The following GSTO1 variants were observed in gnomAD, a reference collection of about 807,000 sequenced individuals.
GSTO1 encodes glutathione S-transferase omega 1, also known as glutathione S-transferase omega-1.
GSTO1 carries 27 observed loss-of-function variants against 23.8 expected under a neutral mutation model. The observed-to-expected ratio is 1.13, with a 90% confidence interval of 0.83 to 1.56. The LOEUF (loss-of-function observed/expected upper bound fraction) is 1.56, where lower values mean the gene tolerates loss of function less well. GSTO1 is among the 40% of genes most tolerant of loss of function. GSTO1 has a pLI of 0.00. For missense variants in GSTO1, 255 were observed against 285.8 expected (o/e 0.89, Z 0.78); for synonymous variants, 105 against 109.3 (o/e 0.96, Z 0.25).
In GSTO1 at chr10:104,254,954, T is replaced by TG; in HGVS notation, c.30dup (p.Lys11GlufsTer26). The TG allele has an allele frequency of 6.2e-7, 1 of 1,609,788 alleles. No homozygotes were observed. Among genetic ancestry groups the TG allele is most frequent in the Non-Finnish European group, 8.5e-7 (1 of 1,178,706 alleles). Reference sequence around the variant, plus strand: ...ATGTCCGGGGAGTCAGCCAGGAGCTTGGGGAAGGGTGAGGCCTGCCCGCCG... The same window carrying TG: ...ATGTCCGGGGAGTCAGCCAGGAGCTTGGGGGAAGGGTGAGGCCTGCCCGCCG... On this transcript the variant is annotated frameshift_variant, in exon 1 of 6. Coordinates refer to ENST00000369713, the MANE Select transcript of GSTO1 (RefSeq NM_004832.3). LOFTEE classifies it high-confidence loss of function.
intron 5 of GSTO1, among the ~76,000 whole-genome samples, 196 bp downstream of exon 5, chr10:104,266,386 G>C (rs1214066699): frequency 6.6e-6 from 1 of 152,132 alleles, no homozygotes; most frequent in Non-Finnish European, 1.5e-5. Context: ...ATGGGGCAGG[G>C]GATTTCTGAG....
Position 104,262,401 on chromosome 10 carries a change from C to T in GSTO1, c.367-578C>T, listed in dbSNP as rs114401644. Reference sequence around the variant, plus strand: ...CGCCTCCCAATAATTCTATGAGCCACTCAGTCTCCTTTAAAGAAAGTTGTG... The same window carrying T: ...CGCCTCCCAATAATTCTATGAGCCATTCAGTCTCCTTTAAAGAAAGTTGTG... On this transcript the variant is annotated intron_variant, in intron 3 of 5. Transcript: ENST00000369713. 6.1e-3 allele frequency among the ~76,000 whole-genome samples: 935 copies of T among 152,296 alleles called. 11 individuals carry two copies. The highest frequency in any genetic ancestry group is 0.022 in the African/African-American group (917 of 41,564).
upstream of GSTO1, chr10:104,254,845 AG>A: frequency 3.0e-6 from 4 of 1,313,222 alleles, no homozygotes; most frequent in African/African-American, 2.9e-5. Context: ...GAAGCGGGGG[AG>A]GGAAGGAGGG....
chr10:104,254,820 T>C (rs984173238), upstream of GSTO1: 1 of 1,141,372 alleles, frequency 8.8e-7, no homozygotes, highest in Admixed American at 2.0e-5. Flanking sequence ...GGGCAGGCAC[T>C]TTTGAGCTAA....
chr10:104,254,869 G>C (rs868554750), upstream of GSTO1: 42 of 1,537,480 alleles, frequency 2.7e-5, no homozygotes, highest in South Asian at 3.4e-5. Context: ...GGAAGGACGC[G>C]CCACCTACTT....
chr10:104,264,985 T>C (rs1330185263), intron 4 of GSTO1, among the ~76,000 whole-genome samples: 1 of 152,238 alleles, frequency 6.6e-6, no homozygotes, highest in Admixed American at 6.5e-5. Context: ...TGCAAATCGA[T>C]AGCCCAGGAA....
chr10:104,255,614 G>C (rs1413609793), intron 2 of GSTO1, among the ~76,000 whole-genome samples: 1 of 152,172 alleles, frequency 6.6e-6, no homozygotes, highest in Non-Finnish European at 1.5e-5. Context: ...GAGTCCTTTC[G>C]CTTTCGCCCT....
rs543468807 is a variant in GSTO1, at chr10:104,255,252, C to T, written c.124C>T (p.Leu42=). ...GTTTGCTGAGAGGACGCGTCTAGTCCTGAAGGCCAAGGGAATCAGGTGGGC... is the reference window on the plus strand; with the variant it reads ...GTTTGCTGAGAGGACGCGTCTAGTCTTGAAGGCCAAGGGAATCAGGTGGGC... ...CPFAERTRLV[L]KAKGIRHEVI... The change falls in exon 2 of 6, where the codon CTG becomes TTG. Residue 42 remains leucine, a synonymous_variant. Coordinates refer to ENST00000369713, the MANE Select transcript of GSTO1 (RefSeq NM_004832.3). 4 of 1,611,556 alleles carry T rather than the reference C, an allele frequency of 2.5e-6. No homozygotes were observed. The highest frequency in any genetic ancestry group is 2.2e-5 in the East Asian group (1 of 44,882).
chr10:104,262,287 C>A (rs2011144668), intron 3 of GSTO1, among the ~76,000 whole-genome samples: 1 of 152,256 alleles, frequency 6.6e-6, no homozygotes, highest in South Asian at 2.1e-4. Flanking sequence ...TGGTGCTCAG[C>A]TTGGACTGGC....
intron 4 of GSTO1, among the ~76,000 whole-genome samples, chr10:104,263,843 C>T (rs2011158705): frequency 6.6e-6 from 1 of 151,876 alleles, no homozygotes; most frequent in Non-Finnish European, 1.5e-5. Flanking sequence ...GGTTTTTCTG[C>T]ATCTGTTACA....
intron 3 of GSTO1, among the ~76,000 whole-genome samples, 194 bp from the exon 4 acceptor site, chr10:104,262,785 A>C (rs954293833): frequency 6.6e-6 from 1 of 152,150 alleles, no homozygotes; most frequent in Non-Finnish European, 1.5e-5. Context: ...AATCCTGACC[A>C]AGCCAGCATT....
chr10:104,259,899 A>G lies in GSTO1; in HGVS notation c.366+101A>G, dbSNP rs143190926. 8.6e-5 allele frequency: 64 copies of G among 745,336 alleles called. No individual in the cohort carries two copies. The African/African-American group carries it at 9.4e-4, about 11-fold the overall frequency. 46.2% of individuals were successfully genotyped at this position (745,336 alleles called of 1,614,324 possible). The stretch of plus-strand genomic sequence containing the variant: ...TTCAGTGATTTGGGAGAGAAAAACA[A>G]AACAGGAATATGCTTGTCAGCTCTG... On this transcript the variant is annotated intron_variant, in intron 3 of 5. Transcript: ENST00000369713.
At chr10:104,256,886 AT>A (rs112642328) in intron 2 of GSTO1, among the ~76,000 whole-genome samples, 8,431 of 144,260 alleles carry the variant, frequency 0.058, 634 homozygotes, top group African/African-American at 0.18. Context: ...GAGCCAAATA[AT>A]TTTTTTTTTT....
upstream of GSTO1, chr10:104,254,737 A>C: frequency 1.6e-6 from 1 of 631,638 alleles, no homozygotes; most frequent in Non-Finnish European, 2.8e-6. Flanking sequence ...GCTTTGACAC[A>C]GCCCCTTAAG....
At chr10:104,265,222 T>C (rs1026738796) in intron 4 of GSTO1, among the ~76,000 whole-genome samples, 1 of 152,206 alleles carries the variant, frequency 6.6e-6, no homozygotes, top group Admixed American at 6.5e-5. Context: ...CCATATCAAC[T>C]AACAAAATAC....
chr10:104,267,164 C>A, intron 5 of GSTO1, 88 bp from the exon 6 acceptor site: 3 of 739,340 alleles, frequency 4.1e-6, no homozygotes, highest in South Asian at 2.3e-5. Context: ...AAAAGTGAAA[C>A]TGTAGAGTAA....
intron 4 of GSTO1, among the ~76,000 whole-genome samples, chr10:104,263,514 C>G (rs1025742549): frequency 6.6e-6 from 1 of 152,068 alleles, no homozygotes; most frequent in African/African-American, 2.4e-5. Context: ...TAAATATTTC[C>G]CACCAGAAAA....
At chr10:104,255,109 C>A in intron 1 of GSTO1, 54 bp from the exon 2 acceptor site, 1 of 1,468,190 alleles carries the variant, frequency 6.8e-7, no homozygotes, top group Non-Finnish European at 9.5e-7. Flanking sequence ...CGGTGGGATA[C>A]GGGGGGTCTC....
Position 104,259,653 on chromosome 10 carries a change from T to G in GSTO1, c.221T>G (p.Val74Gly). Residue 74 changes from valine (V) to glycine (G), a missense_variant, in exon 3 of 6, where the codon GTT becomes GGT. Physicochemically the swap from Val to Gly is moderately radical, Grantham distance 109. Transcript: ENST00000369713. ...AAAAATCCCTTTGGTCTGGTGCCAG[T>G]TCTGGAAAACAGTCAGGGTCAGCTG... is the stretch of plus-strand genomic sequence containing the variant. Reference protein sequence around the residue: ...FKKNPFGLVPVLENSQGQLIY... With the variant: ...FKKNPFGLVPGLENSQGQLIY... 1.9e-6 allele frequency: 3 copies of G among 1,613,646 alleles called. No individual in the cohort carries two copies. The highest frequency in any genetic ancestry group is 2.5e-6 in the Non-Finnish European group (3 of 1,179,568).
Sources: allele counts gnomAD v4.1 joint callset (sites outside exome capture counted in the v4.1 genomes callset), GRCh38; gene constraint gnomAD v4.1.1; transcripts MANE v1.5; gene names NCBI Gene and HGNC (gene_info 2026-07-23, HGNC 2026-07-21).